The following ADAR variants were observed in gnomAD, a reference collection of about 807,000 sequenced individuals.
ADAR encodes the protein adenosine deaminase RNA specific.
In ADAR, 41 loss-of-function variants were observed where a neutral mutation model predicts 113.2. That is an observed-to-expected ratio of 0.36 (90% CI 0.28 to 0.47). The LOEUF is 0.47. Among genes scored for constraint, ADAR ranks in the 20% least tolerant of loss-of-function variants. The pLI, the probability that ADAR is intolerant of heterozygous loss-of-function variation, is 1.00. For missense variants in ADAR, 1,242 were observed against 1,540.9 expected (o/e 0.81, Z 3.25); for synonymous variants, 605 against 572.6 (o/e 1.06, Z -0.81).
chr1:154,610,494 A>G (rs6699825), upstream of ADAR, among the ~76,000 whole-genome samples: 62,737 of 151,996 alleles, frequency 0.41, 13,863 homozygotes, highest in East Asian at 0.54. Flanking sequence ...AGGCAAAACC[A>G]AACTATAGTA....
chr1:154,606,935 T>TTAA (rs1698222052), intron 1 of ADAR, among the ~76,000 whole-genome samples: 1 of 32,598 alleles, frequency 3.1e-5, no homozygotes, highest in African/African-American at 9.3e-5. Flanking sequence ...AAGGAGTGCT[T>TTAA]AAAAAAAAAA....
chr1:154,599,919 C>T lies in ADAR; in HGVS notation c.1601+1122G>A, dbSNP rs539431720. ...TTCAACAGGCAGGCAGCCGTGCACA[C>T]GCTCCTCCATCCTTTCCCCCCAGGA... On this transcript the variant is annotated intron_variant, in intron 2 of 14. Transcript: ENST00000368474. Among the ~76,000 whole-genome samples, 6 of 152,328 alleles carry T rather than the reference C, an allele frequency of 3.9e-5. No homozygotes were observed. In the South Asian group the frequency reaches 6.2e-4, roughly 16 times the overall value.
rs966788096 is a variant in ADAR, at chr1:154,607,887, A to ACT, written c.15+103_15+104dup. On this transcript the variant is annotated intron_variant, in intron 1 of 14. Transcript: ENST00000368474. ...TTGGCAAGACGACACACACACACAC[A>ACT]CTCTAACACTCACAAGACGCACACG... 9.1e-6 allele frequency: 14 copies of ACT among 1,538,064 alleles called. No homozygotes were observed. The Admixed American group carries it at 1.3e-4, about 14-fold the overall frequency.
In ADAR at chr1:154,588,403, G is replaced by C; in HGVS notation, c.2886-145C>G. On this transcript the variant is annotated intron_variant, in intron 10 of 14. Transcript: ENST00000368474. ...TGGAGGTGGACAGCAGTACATGTGA[G>C]TCATCTACACCTGAATATGGACCTC... 14 of 1,480,048 alleles carry C rather than the reference G, an allele frequency of 9.5e-6. No individual in the cohort carries two copies. In the South Asian group the frequency reaches 1.6e-4, roughly 17 times the overall value. The allele number at this position is 1,480,048 out of a possible 1,614,324, so 91.7% of individuals were successfully genotyped here. A position where few individuals can be genotyped will look rare whatever the true frequency, so the allele number is the denominator to read the frequency against.
upstream of ADAR, among the ~76,000 whole-genome samples, chr1:154,609,957 T>C (rs2101677763): frequency 6.6e-6 from 1 of 152,312 alleles, no homozygotes; most frequent in East Asian, 1.9e-4. Flanking sequence ...TATATTCGCC[T>C]TCAGAGGGCT....
chr1:154,604,909 G>A (rs1405934707), intron 1 of ADAR, among the ~76,000 whole-genome samples: 1 of 152,066 alleles, frequency 6.6e-6, no homozygotes, highest in Non-Finnish European at 1.5e-5. Flanking sequence ...CAACTATGTC[G>A]ACAGTCTGTC....
At chr1:154,608,957 C>T (rs555617712), upstream of ADAR, 1 of 152,346 alleles carries the variant, frequency 6.6e-6, no homozygotes, top group East Asian at 1.9e-4. Flanking sequence ...TAAAAAGTAC[C>T]AAGAGTAGCA....
At chr1:154,623,663 T>C (rs953245151) in intron 1 of ADAR, among the ~76,000 whole-genome samples, 2 of 152,132 alleles carry the variant, frequency 1.3e-5, no homozygotes, top group Non-Finnish European at 2.9e-5. Context: ...CATCAGGTCA[T>C]AGGCTTGGGG....
At chr1:154,599,117 A>T (rs570875609) in intron 2 of ADAR, among the ~76,000 whole-genome samples, 38 of 152,156 alleles carry the variant, frequency 2.5e-4, no homozygotes, top group Non-Finnish European at 4.9e-4. Context: ...GTAGTTTGTT[A>T]TGAGTCACTC....
At chr1:154,604,240 T>C (rs2101652226) in intron 1 of ADAR, among the ~76,000 whole-genome samples, 1 of 152,390 alleles carries the variant, frequency 6.6e-6, no homozygotes, top group Non-Finnish European at 1.5e-5. Context: ...CATAGTTTCT[T>C]GACTCCTGCT....
chr1:154,587,634 A>G (rs1696854295), intron 11 of ADAR, among the ~76,000 whole-genome samples: 1 of 152,200 alleles, frequency 6.6e-6, no homozygotes, highest in South Asian at 2.1e-4. Context: ...GCGAAGAGAC[A>G]GTAAGGAGAC....
intron 1 of ADAR, among the ~76,000 whole-genome samples, chr1:154,622,737 A>C (rs1003573451): frequency 2.0e-5 from 3 of 152,186 alleles, no homozygotes; most frequent in Non-Finnish European, 2.9e-5. Context: ...TTACAGTGAG[A>C]AGTGTATCTA....
chr1:154,601,274 T>C lies in ADAR; in HGVS notation c.1368A>G (p.Thr456=). The change falls in exon 2 of 15, where the codon ACA becomes ACG. Residue 456 remains threonine (T), a synonymous_variant. Transcript: ENST00000368474. This position sits in a 1 kb window ranked among gnomAD's most constrained non-coding sequence, Gnocchi z 4.7. ...TATTCAAGTCATCTGGGATGTCATC[T>C]GTGGCCCACTGGCCATTTTCAAAGT... is the stretch of plus-strand genomic sequence containing the variant. ...YVDFENGQWA[T]DDIPDDLNSI... is the part of the protein sequence containing the mutation. 1.9e-6 allele frequency: 3 copies of C among 1,614,264 alleles called. No individual in the cohort carries two copies. The highest frequency in any genetic ancestry group is 2.5e-6 in the Non-Finnish European group (3 of 1,180,052).
intron 2 of ADAR, chr1:154,600,670 C>T (rs1396018978): frequency 3.3e-6 from 1 of 307,138 alleles, no homozygotes; most frequent in Non-Finnish European, 6.3e-6. Context: ...GACAGGGTTT[C>T]ACCATGTTGG....
At position 154,622,185 on chromosome 1, in the gene ADAR, C is replaced by G. The variant is rs537970326; in HGVS notation, c.-871+5670G>C. Among the ~76,000 whole-genome samples the G allele has an allele frequency of 4.6e-5, 7 of 152,172 alleles. No homozygotes were observed. The South Asian group carries it at 1.2e-3, about 27-fold the overall frequency. Reference sequence around the variant, plus strand: ...CCACCTGGCTCTGCCACATATCCTGCGGCAGAGCGTGGCTGCGTTTGGGTG... The same window carrying G: ...CCACCTGGCTCTGCCACATATCCTGGGGCAGAGCGTGGCTGCGTTTGGGTG... On this transcript the variant is annotated intron_variant, in intron 1 of 14. Transcript: ENST00000368471.
intron 2 of ADAR, 68 bp downstream of exon 2, chr1:154,600,973 C>A: frequency 6.2e-7 from 1 of 1,605,370 alleles, no homozygotes. Flanking sequence ...CACAAATCAG[C>A]CAAGACTGCG....
chr1:154,598,364 A>AG lies in ADAR; in HGVS notation c.1785+37dup, dbSNP rs749112139. 3.6e-5 allele frequency: 57 copies of AG among 1,605,458 alleles called. No homozygotes were observed. The East Asian group carries it at 8.5e-4, about 24-fold the overall frequency. On this transcript the variant is annotated intron_variant, in intron 3 of 14. Coordinates refer to ENST00000368474, the MANE Select transcript of ADAR (RefSeq NM_001111.5). ...AGTCAGTTACAATCCAGACACTGACAGGGAACTGATCCTCCCAGATGGCAG... is the reference window on the plus strand; with the variant it reads ...AGTCAGTTACAATCCAGACACTGACAGGGGAACTGATCCTCCCAGATGGCAG...
At chr1:154,620,762 A>G (rs1698770416) in intron 1 of ADAR, among the ~76,000 whole-genome samples, 1 of 152,236 alleles carries the variant, frequency 6.6e-6, no homozygotes, top group African/African-American at 2.4e-5. Context: ...TTTCTGAGGT[A>G]ATGAAAATGT....
intron 6 of ADAR, among the ~76,000 whole-genome samples, chr1:154,594,490 G>C (rs978327706): frequency 2.0e-5 from 3 of 152,180 alleles, no homozygotes; most frequent in African/African-American, 7.2e-5. Flanking sequence ...TGCATGGCAA[G>C]AGTGATGCCA....
Sources: allele counts gnomAD v4.1 joint callset (sites outside exome capture counted in the v4.1 genomes callset), GRCh38; gene constraint gnomAD v4.1.1; non-coding constraint Gnocchi (gnomAD v3.1); transcripts MANE v1.5; gene names NCBI Gene and HGNC (gene_info 2026-07-23, HGNC 2026-07-21).